The following PTPRO variants were observed in gnomAD, a reference collection of about 807,000 sequenced individuals.
PTPRO encodes receptor-type tyrosine-protein phosphatase O.
In PTPRO, 62 loss-of-function variants were observed where a neutral mutation model predicts 145.2. The ratio of observed to expected loss-of-function variants is 0.43; its 90% CI spans 0.35 to 0.53. The LOEUF (loss-of-function observed/expected upper bound fraction) is 0.53. PTPRO is among the 20% of genes least tolerant of loss of function. The probability of loss-of-function intolerance (pLI) is 0.01; values close to 1 mark genes in which losing one functional copy is unlikely to be tolerated. For missense variants in PTPRO, 1,345 were observed against 1,482.7 expected, an observed-to-expected ratio of 0.91 and a Z score of 1.53; for synonymous variants, 565 against 514.7, an observed-to-expected ratio of 1.10 and a Z score of -1.32.
intron 1 of PTPRO, among the ~76,000 whole-genome samples, chr12:15,447,092 G>A (rs1310362505): frequency 2.6e-5 from 4 of 151,994 alleles, no homozygotes; most frequent in South Asian, 2.1e-4. Flanking sequence ...CTAGCCCTCC[G>A]CAAGAGGCTG....
intron 1 of PTPRO, among the ~76,000 whole-genome samples, chr12:15,331,273 ATATCTT>A (rs1866600470): frequency 6.6e-6 from 1 of 152,132 alleles, no homozygotes; most frequent in South Asian, 2.1e-4. Flanking sequence ...GGTCTGGAAA[ATATCTT>A]TATATTAGGA....
intron 12 of PTPRO, among the ~76,000 whole-genome samples, chr12:15,529,725 A>G (rs1351954941): frequency 6.6e-6 from 1 of 152,252 alleles, no homozygotes; most frequent in Non-Finnish European, 1.5e-5. Flanking sequence ...ACCACAGCAC[A>G]AAATCATATA....
At chr12:15,593,222 G>T (rs1481170260) in intron 25 of PTPRO, among the ~76,000 whole-genome samples, 1 of 152,152 alleles carries the variant, frequency 6.6e-6, no homozygotes, top group African/African-American at 2.4e-5. Flanking sequence ...AAAAATACAG[G>T]TTAGGCTGAG....
chr12:15,353,226 C>T (rs894887738), intron 1 of PTPRO, among the ~76,000 whole-genome samples: 1 of 152,098 alleles, frequency 6.6e-6, no homozygotes, highest in Non-Finnish European at 1.5e-5. Context: ...CCCACCCTAC[C>T]CACCACACAC....
intron 26 of PTPRO, chr12:15,595,442 T>C (rs1202805722): frequency 1.2e-5 from 3 of 242,394 alleles, no homozygotes; most frequent in African/African-American, 6.7e-5. Context: ...GTATACGGGG[T>C]TACAAAAAGA....
At chr12:15,429,596 A>T (rs1269897923) in intron 1 of PTPRO, among the ~76,000 whole-genome samples, 1 of 152,196 alleles carries the variant, frequency 6.6e-6, no homozygotes. Context: ...ACAGCAAACA[A>T]GGAGGAAAAC....
chr12:15,499,634 TC>T, intron 4 of PTPRO, 40 bp downstream of exon 4: 1 of 1,585,584 alleles, frequency 6.3e-7, no homozygotes, highest in Non-Finnish European at 8.7e-7. Context: ...AAAAAATAAT[TC>T]AGTTATATTT....
At chr12:15,461,374 C>A (rs1204585721) in intron 1 of PTPRO, among the ~76,000 whole-genome samples, 1 of 152,056 alleles carries the variant, frequency 6.6e-6, no homozygotes, top group East Asian at 1.9e-4. Context: ...ATGTATAAAC[C>A]AAGGTGAACC....
At chr12:15,362,440 G>C (rs1938238805) in intron 1 of PTPRO, among the ~76,000 whole-genome samples, 1 of 152,054 alleles carries the variant, frequency 6.6e-6, no homozygotes, top group South Asian at 2.1e-4. Context: ...ATTATTACAA[G>C]TTCATCTATT....
intron 13 of PTPRO, among the ~76,000 whole-genome samples, chr12:15,548,034 T>C (rs570233494): frequency 6.6e-6 from 1 of 152,216 alleles, no homozygotes; most frequent in African/African-American, 2.4e-5. Context: ...CATGTTTTAG[T>C]GGATGTTATA....
Position 15,524,907 on chromosome 12 carries a change from A to G in PTPRO, c.1985A>G (p.His662Arg), listed in dbSNP as rs1942806823. The change falls in exon 11 of 27, where the codon CAT becomes CGT. Residue 662 changes from histidine (H) to arginine (R), a missense_variant. Coordinates refer to ENST00000281171, the MANE Select transcript of PTPRO (RefSeq NM_030667.3). ...TYGDDTTDLS[H>R]SRMLHWMVVA... ...GGGGATGATACAACGGACTTGTCCC[A>G]TTCTAGAATGCTTCACTGGATGGTG... is the stretch of plus-strand genomic sequence containing the variant. The G allele has an allele frequency of 6.2e-7, 1 of 1,614,028 alleles. No homozygotes were observed. The highest frequency in any genetic ancestry group is 1.3e-5 in the African/African-American group (1 of 75,060).
chr12:15,541,789 A>G (rs1943185217), intron 12 of PTPRO, among the ~76,000 whole-genome samples: 2 of 152,282 alleles, frequency 1.3e-5, no homozygotes, highest in South Asian at 4.1e-4. Context: ...AGGTGGGTGG[A>G]TCACTTGAGG....
At chr12:15,478,245 A>G (rs962146150) in intron 1 of PTPRO, among the ~76,000 whole-genome samples, 2 of 152,206 alleles carry the variant, frequency 1.3e-5, no homozygotes, top group African/African-American at 4.8e-5. Context: ...GTTTTAACAG[A>G]AAGTATAGTA....
intron 1 of PTPRO, among the ~76,000 whole-genome samples, chr12:15,366,622 C>T (rs1938369930): frequency 6.6e-6 from 1 of 152,050 alleles, no homozygotes; most frequent in Non-Finnish European, 1.5e-5. Flanking sequence ...GAGATAATAT[C>T]TAATCCATAT....
At position 15,526,190 on chromosome 12, in the gene PTPRO, A is replaced by T. The variant is rs747220448; in HGVS notation, c.2092A>T (p.Ile698Phe). The part of the protein sequence containing the change: ...TAILSLPPGD[I>F]YNLSVTACTE... ...AATTCTCAGCTTGCCTCCAGGCGAC[A>T]TCTATAACCTCTCAGTAACTGCTTG... The change falls in exon 12 of 27, where the codon ATC becomes TTC. Residue 698 changes from isoleucine (I) to phenylalanine (F), a missense_variant. By Grantham distance (21) the Ile-to-Phe change is conservative. Transcript: ENST00000281171. 6.2e-7 allele frequency: 1 copy of T among 1,613,980 alleles called. No individual in the cohort carries two copies. Among genetic ancestry groups the T allele is most frequent in the East Asian group, 2.2e-5 (1 of 44,844 alleles).
intron 1 of PTPRO, among the ~76,000 whole-genome samples, chr12:15,453,029 T>A (rs886487493): frequency 6.6e-6 from 1 of 152,194 alleles, no homozygotes; most frequent in Non-Finnish European, 1.5e-5. Context: ...ATCCCTTTTT[T>A]TTTCTTGGTA....
At chr12:15,433,755 T>C (rs1021236321) in intron 1 of PTPRO, among the ~76,000 whole-genome samples, 2 of 152,242 alleles carry the variant, frequency 1.3e-5, no homozygotes, top group Non-Finnish European at 2.9e-5. Flanking sequence ...CTTTGGTTAT[T>C]GTAGCCTGCA....
intron 1 of PTPRO, among the ~76,000 whole-genome samples, chr12:15,386,798 T>A (rs1939042753): frequency 6.6e-6 from 1 of 152,220 alleles, no homozygotes; most frequent in Non-Finnish European, 1.5e-5. Flanking sequence ...CTGCTCATGA[T>A]AATGATGCTC....
At chr12:15,463,787 T>C (rs1027061042) in intron 1 of PTPRO, among the ~76,000 whole-genome samples, 2 of 152,162 alleles carry the variant, frequency 1.3e-5, no homozygotes, top group Non-Finnish European at 2.9e-5. Context: ...TTCATTTCTA[T>C]AATACAATAA....
Sources: gnomAD v4.1 joint callset for allele counts (sites outside exome capture counted in the v4.1 genomes callset) on GRCh38, gnomAD v4.1.1 for gene constraint, MANE v1.5 for transcripts, NCBI Gene and HGNC (gene_info 2026-07-23, HGNC 2026-07-21) for gene names.